NR6A1: variants seen among roughly 807,000 people sequenced by gnomAD.
NR6A1 encodes the protein nuclear receptor subfamily 6 group A member 1.
NR6A1 carries 7 observed loss-of-function variants against 59.1 expected under a neutral mutation model. That is an observed-to-expected ratio of 0.12 (90% confidence interval 0.07 to 0.22). The LOEUF (loss-of-function observed/expected upper bound fraction) is 0.22, where lower values mean the gene tolerates loss of function less well. Ranked by LOEUF, NR6A1 falls within the 10% of genes least tolerant of loss-of-function variation. The pLI is 1.00. For synonymous variants in NR6A1, 243 were observed against 236.1 expected (o/e 1.03, Z -0.27); for missense variants, 468 against 611.6 (o/e 0.77, Z 2.48).
intron 2 of NR6A1, among the ~76,000 whole-genome samples, chr9:124,731,739 T>C (rs919055373): frequency 3.3e-5 from 5 of 152,228 alleles, no homozygotes; most frequent in Admixed American, 3.3e-4. Context: ...TAACAACATG[T>C]TCTCTTCTCT....
chr9:124,744,042 T>C (rs1029415456), intron 1 of NR6A1, among the ~76,000 whole-genome samples: 5 of 152,098 alleles, frequency 3.3e-5, no homozygotes, highest in African/African-American at 1.2e-4. Context: ...GCCTGGGCAA[T>C]ATAGTGAGAC....
intron 2 of NR6A1, among the ~76,000 whole-genome samples, chr9:124,696,180 CAG>C (rs1274017067): frequency 1.5e-4 from 23 of 152,202 alleles, no homozygotes; most frequent in Middle Eastern, 3.4e-3. Flanking sequence ...ATTAGTCCAA[CAG>C]AGAGCCGTTT....
intron 2 of NR6A1, among the ~76,000 whole-genome samples, chr9:124,730,189 T>A (rs1224400042): frequency 6.6e-6 from 1 of 152,176 alleles, no homozygotes; most frequent in East Asian, 1.9e-4. Context: ...CTTCCCAATA[T>A]AGAAATTACT....
intron 2 of NR6A1, among the ~76,000 whole-genome samples, chr9:124,684,973 C>G (rs1469328371): frequency 6.6e-6 from 1 of 151,448 alleles, no homozygotes; most frequent in Non-Finnish European, 1.5e-5. Context: ...TTGCAGATGG[C>G]CAATAGGAAA....
At chr9:124,527,816 AC>A (rs1198635125) in intron 7 of NR6A1, among the ~76,000 whole-genome samples, 1 of 152,198 alleles carries the variant, frequency 6.6e-6, no homozygotes, top group Non-Finnish European at 1.5e-5. Context: ...AGGCTAGGCC[AC>A]CCCAGGGGAT....
At chr9:124,524,612 C>A in intron 9 of NR6A1, 109 bp downstream of exon 9, 1 of 1,225,974 alleles carries the variant, frequency 8.2e-7, no homozygotes, top group Non-Finnish European at 1.1e-6. Context: ...CTCTTTCATG[C>A]AGTTGGTGAT....
At chr9:124,651,363 G>T (rs1196060747) in intron 2 of NR6A1, among the ~76,000 whole-genome samples, 1 of 152,130 alleles carries the variant, frequency 6.6e-6, no homozygotes, top group East Asian at 1.9e-4. Context: ...CCAGCCACTG[G>T]CTCTGTCTTA....
intron 2 of NR6A1, among the ~76,000 whole-genome samples, chr9:124,701,560 T>A (rs1171484063): frequency 6.6e-6 from 1 of 152,216 alleles, no homozygotes; most frequent in Non-Finnish European, 1.5e-5. Context: ...TTATCCTCCA[T>A]TTCCCCTAGC....
intron 3 of NR6A1, among the ~76,000 whole-genome samples, chr9:124,550,430 T>C (rs546987480): frequency 2.0e-5 from 3 of 146,730 alleles, no homozygotes; most frequent in South Asian, 4.4e-4. Flanking sequence ...TACAATGGCA[T>C]GATCTTGGCT....
intron 2 of NR6A1, among the ~76,000 whole-genome samples, chr9:124,582,467 C>G (rs562898850): frequency 6.6e-6 from 1 of 152,000 alleles, no homozygotes; most frequent in Non-Finnish European, 1.5e-5. Flanking sequence ...CTAATGGATG[C>G]TAGGCTTAAT....
intron 2 of NR6A1, among the ~76,000 whole-genome samples, chr9:124,676,650 A>G (rs1564231662): frequency 6.6e-6 from 1 of 152,218 alleles, no homozygotes; most frequent in African/African-American, 2.4e-5. Flanking sequence ...GATCTCTCCT[A>G]AAGTAGTGAT....
intron 2 of NR6A1, among the ~76,000 whole-genome samples, chr9:124,660,648 C>CAAAAAAAAAAAAA (rs753242760): frequency 3.2e-5 from 3 of 92,820 alleles, no homozygotes; most frequent in Non-Finnish European, 6.5e-5. Flanking sequence ...TCTGAGAATA[C>CAAAAAAAAAAAAA]AAAAAAAAAA....
intron 2 of NR6A1, among the ~76,000 whole-genome samples, chr9:124,672,001 T>A (rs1398788065): frequency 6.6e-6 from 1 of 152,180 alleles, no homozygotes; most frequent in Non-Finnish European, 1.5e-5. Context: ...ACTATTCTGA[T>A]CTCTATCATC....
chr9:124,599,201 G>C, intron 2 of NR6A1: 1 of 493,672 alleles, frequency 2.0e-6, no homozygotes, highest in East Asian at 4.3e-5. Flanking sequence ...CCAGCACTCT[G>C]GGAGACTGAG....
In NR6A1 at chr9:124,570,390, A is replaced by T. The variant is rs145545561; in HGVS notation, c.143-15820T>A. 5.5e-3 allele frequency among the ~76,000 whole-genome samples: 834 copies of T among 152,342 alleles called. 7 individuals are homozygous for T. Among genetic ancestry groups the T allele is most frequent in the African/African-American group, 0.019 (792 of 41,566 alleles). On this transcript the variant is annotated intron_variant, in intron 2 of 9. Transcript: ENST00000487099. ...CTGTCTTTGATACTTTTTGGTTTAC[A>T]CTAGAAGAAAAAATGAGAAAAAGAC...
chr9:124,765,254 C>T (rs1032086631), intron 1 of NR6A1, among the ~76,000 whole-genome samples: 1 of 152,048 alleles, frequency 6.6e-6, no homozygotes, highest in Admixed American at 6.6e-5. Context: ...TTTATTTGTC[C>T]CAAACACACA....
chr9:124,741,238 T>C (rs899693668), intron 1 of NR6A1, among the ~76,000 whole-genome samples: 7 of 152,218 alleles, frequency 4.6e-5, no homozygotes, highest in Admixed American at 1.3e-4. Context: ...GAAAACATAG[T>C]TGTCGTCCCT....
At position 124,540,075 on chromosome 9, in the gene NR6A1, G is replaced by C; in HGVS notation, c.554C>G (p.Ser185Trp). 1.2e-6 allele frequency: 2 copies of C among 1,611,160 alleles called. No individual in the cohort carries two copies. Among genetic ancestry groups the C allele is most frequent in the African/African-American group, 1.4e-5 (1 of 73,984 alleles). The change falls in exon 5 of 10, where the codon TCG (serine) becomes TGG (tryptophan). Residue 185 changes from serine to tryptophan, a missense_variant. By Grantham distance (177) the Ser-to-Trp change is radical. This residue lies in a region of NR6A1 where 151 missense variants were observed against 142.8 expected (regional missense o/e 1.06). Transcript: ENST00000487099. ...SDHSSPGNRA[S>W]ESNQPSPGST... ...GCCTGGTGAGGGCTGGTTGCTCTCC[G>C]AAGCCCTGTTCCCAGGGGAACTGTG...
Position 124,521,537 on chromosome 9 carries a change from T to G in NR6A1, c.*1168A>C, listed in dbSNP as rs1036965767. ...TTGGAGAAGAACTTAGGGGCAACATTTCTGGTCAGCAGACAGGTGAATGGT... is the reference window on the plus strand; with the variant it reads ...TTGGAGAAGAACTTAGGGGCAACATGTCTGGTCAGCAGACAGGTGAATGGT... On this transcript the variant is annotated 3_prime_UTR_variant, in exon 10 of 10. Transcript: ENST00000487099. 6.6e-6 allele frequency: 1 copy of G among 152,288 alleles called. No homozygotes were observed. The highest frequency in any genetic ancestry group is 2.4e-5 in the African/African-American group (1 of 41,436). 9.4% of individuals were successfully genotyped at this position (152,288 alleles called of 1,614,324 possible).
Sources: gnomAD v4.1 joint callset for allele counts (sites outside exome capture counted in the v4.1 genomes callset) on GRCh38, gnomAD v4.1.1 for gene constraint, gnomAD v4.1.1 regional missense constraint, MANE v1.5 for transcripts, NCBI Gene and HGNC (gene_info 2026-07-23, HGNC 2026-07-21) for gene names.